Variants in CTNND1 observed in about 807,000 individuals in gnomAD.
CTNND1 encodes catenin delta 1.
CTNND1 carries 16 observed loss-of-function variants against 112.1 expected under a neutral mutation model. That is an observed-to-expected ratio of 0.14 (90% CI 0.10 to 0.22). The LOEUF (loss-of-function observed/expected upper bound fraction) is 0.22, where lower values mean the gene tolerates loss of function less well. Ranked by LOEUF, CTNND1 falls within the 10% of genes least tolerant of loss-of-function variation. The pLI, the probability that CTNND1 is intolerant of heterozygous loss-of-function variation, is 1.00. For synonymous variants in CTNND1, 420 were observed against 446.5 expected (o/e 0.94, Z 0.75); for missense variants, 1,008 against 1,257.0 (o/e 0.80, Z 3.00).
chr11:57,769,389 A>T (rs1490993010), intron 1 of CTNND1, among the ~76,000 whole-genome samples: 1 of 151,158 alleles, frequency 6.6e-6, no homozygotes, highest in Admixed American at 6.6e-5. Flanking sequence ...GGCTCAAGTG[A>T]TTCTCCTACT....
intron 10 of CTNND1, 138 bp downstream of exon 10, chr11:57,806,173 C>G: frequency 8.3e-7 from 1 of 1,210,190 alleles, no homozygotes; most frequent in South Asian, 1.6e-5. Flanking sequence ...TGCTGCTTTC[C>G]CTGTGTTGTG....
chr11:57,816,064 T>A, intron 20 of CTNND1, 63 bp downstream of exon 20: 1 of 1,381,116 alleles, frequency 7.2e-7, no homozygotes, highest in African/African-American at 1.5e-5. Flanking sequence ...TGCCAGCAAC[T>A]TGTCAATCAC....
intron 1 of CTNND1, among the ~76,000 whole-genome samples, chr11:57,767,378 T>TC (rs1254958105): frequency 1.3e-5 from 2 of 152,252 alleles, no homozygotes; most frequent in African/African-American, 2.4e-5. Context: ...TTCTCAACTT[T>TC]TTATTTCAAA....
chr11:57,811,501 A>G lies in CTNND1; in HGVS notation c.2638+15A>G, dbSNP rs1324134566. ...CCAAAAATCAGGTGCAGTATCCAGA[A>G]GGCACACCCTCTCCTTTTAGCCACT... is the stretch of plus-strand genomic sequence containing the variant. On this transcript the variant is annotated intron_variant, in intron 17 of 20. Transcript: ENST00000399050. 1 of 1,569,440 alleles carries G rather than the reference A, an allele frequency of 6.4e-7. No individual in the cohort carries two copies. Among genetic ancestry groups the G allele is most frequent in the East Asian group, 2.2e-5 (1 of 44,536 alleles).
chr11:57,808,562 G>C, intron 14 of CTNND1, 22 bp downstream of exon 14: 1 of 1,558,390 alleles, frequency 6.4e-7, no homozygotes, highest in East Asian at 2.3e-5. Context: ...AATGCTAACT[G>C]TTACCTCAAA....
chr11:57,815,289 A>G, intron 18 of CTNND1, 105 bp from the exon 19 acceptor site: 1 of 646,890 alleles, frequency 1.5e-6, no homozygotes, highest in Admixed American at 3.0e-5. Context: ...GCATTTGACA[A>G]GCTCAGTTCC....
chr11:57,795,009 G>A (rs1486816003), intron 4 of CTNND1, among the ~76,000 whole-genome samples: 1 of 151,836 alleles, frequency 6.6e-6, no homozygotes, highest in African/African-American at 2.4e-5. Context: ...GACCAGCCTG[G>A]GCAACATAGA....
chr11:57,799,980 T>G (rs11229135), intron 6 of CTNND1, among the ~76,000 whole-genome samples: 2 of 45,664 alleles, frequency 4.4e-5, no homozygotes, highest in African/African-American at 6.1e-5. Context: ...TGTTTCCGTG[T>G]TTTTTTTTTT....
intron 1 of CTNND1, among the ~76,000 whole-genome samples, chr11:57,786,769 A>C (rs2060184501): frequency 6.6e-6 from 1 of 151,234 alleles, no homozygotes. Context: ...TTTTCCTCCC[A>C]TTTTTTTTCT....
At position 57,816,386 on chromosome 11, in the gene CTNND1, T is replaced by C; in HGVS notation, c.*78T>C. On this transcript the variant is annotated 3_prime_UTR_variant, in exon 21 of 21. Transcript: ENST00000399050. Reference sequence around the variant, plus strand: ...TGAAATTGACTGATGATTTTCCTTTTTCTTCGCTGGACTATTGTGCCAACT... The same window carrying C: ...TGAAATTGACTGATGATTTTCCTTTCTCTTCGCTGGACTATTGTGCCAACT... 1 of 1,582,228 alleles carries C rather than the reference T, an allele frequency of 6.3e-7. No homozygotes were observed.
intron 1 of CTNND1, among the ~76,000 whole-genome samples, chr11:57,785,165 TG>T (rs1290436005): frequency 4.6e-5 from 7 of 152,146 alleles, no homozygotes; most frequent in African/African-American, 1.7e-4. Flanking sequence ...GAGGGGAGCC[TG>T]GGGAGGCTGG....
In CTNND1 at chr11:57,789,149, T is replaced by G; in HGVS notation, c.-101T>G. On this transcript the variant is annotated 5_prime_UTR_variant, in exon 2 of 21. Transcript: ENST00000399050. The stretch of plus-strand genomic sequence containing the variant: ...TAAACCAATCAGTTGCGACCTTCTC[T>G]TAACAGGTGTGTATGGAAATATGTT... The G allele has an allele frequency of 2.6e-6, 4 of 1,516,022 alleles. No individual in the cohort carries two copies. In the Admixed American group the frequency reaches 8.1e-5, roughly 31 times the overall value. The allele number at this position is 1,516,022 out of a possible 1,614,324, so 93.9% of individuals were successfully genotyped here.
intron 6 of CTNND1, among the ~76,000 whole-genome samples, chr11:57,798,564 G>A (rs2061633226): frequency 1.3e-5 from 2 of 152,086 alleles, no homozygotes. Context: ...GGCATCCTTG[G>A]GTGGGGGTCG....
At chr11:57,771,760 C>T in intron 1 of CTNND1, among the ~76,000 whole-genome samples, 1 of 151,828 alleles carries the variant, frequency 6.6e-6, no homozygotes, top group East Asian at 1.9e-4. Flanking sequence ...AGCACCTGAC[C>T]CAACCTCCAT....
At chr11:57,762,394 CAT>C (rs1289897152) in intron 1 of CTNND1, among the ~76,000 whole-genome samples, 1 of 152,160 alleles carries the variant, frequency 6.6e-6, no homozygotes, top group Non-Finnish European at 1.5e-5. Flanking sequence ...ATTAAGCTAA[CAT>C]ATTTCTGTTT....
rs2061402962 is a variant in CTNND1, at chr11:57,796,872, C to G, written c.836C>G (p.Pro279Arg). 1.9e-6 allele frequency: 3 copies of G among 1,610,694 alleles called. No homozygotes were observed. Among genetic ancestry groups the G allele is most frequent in the Admixed American group, 1.7e-5 (1 of 59,800 alleles). Residue 279 changes from proline (P) to arginine (R), a missense_variant, in exon 6 of 21, where the codon CCT (proline) becomes CGT (arginine). This residue lies in a region of CTNND1 where 404 missense variants were observed against 457.9 expected (regional missense o/e 0.88). Transcript: ENST00000399050. ...GATCTGCATCGCTTTCATCCAGAGC[C>G]TTATGGGCTAGAGGATGACCAGCGT... ...SVDLHRFHPEPYGLEDDQRSM... is the reference protein window; with the variant it reads ...SVDLHRFHPERYGLEDDQRSM...
At chr11:57,776,540 G>A (rs1954269833) in intron 1 of CTNND1, among the ~76,000 whole-genome samples, 2 of 152,294 alleles carry the variant, frequency 1.3e-5, no homozygotes, top group South Asian at 2.1e-4. Flanking sequence ...AAGTTAGACA[G>A]CAAAACAGAT....
At chr11:57,799,979 GTTTTT>G (rs1157141511) in intron 6 of CTNND1, among the ~76,000 whole-genome samples, 1 of 58,834 alleles carries the variant, frequency 1.7e-5, no homozygotes, top group Non-Finnish European at 3.1e-5. Context: ...TTGTTTCCGT[GTTTTT>G]TTTTTTTTTT....
In CTNND1 at chr11:57,815,488, A is replaced by G. The variant is rs1268693289; in HGVS notation, c.2796A>G (p.Thr932=). Residue 932 remains threonine (T), a synonymous_variant, in exon 19 of 21, where the codon ACA becomes ACG. Coordinates refer to ENST00000399050, the MANE Select transcript of CTNND1 (RefSeq NM_001085458.2). ...DLGDMEPLKG[T]TPLMQDEGQE... Reference sequence around the variant, plus strand: ...GCGACATGGAGCCATTGAAGGGAACAACACCCTTGATGGTAAATTCTCTTT... The same window carrying G: ...GCGACATGGAGCCATTGAAGGGAACGACACCCTTGATGGTAAATTCTCTTT... 1.9e-6 allele frequency: 3 copies of G among 1,610,364 alleles called. No individual in the cohort carries two copies. Among genetic ancestry groups the G allele is most frequent in the Non-Finnish European group, 2.5e-6 (3 of 1,177,534 alleles).
Sources: gnomAD v4.1 joint callset for allele counts (sites outside exome capture counted in the v4.1 genomes callset) on GRCh38, gnomAD v4.1.1 for gene constraint, gnomAD v4.1.1 regional missense constraint, MANE v1.5 for transcripts, NCBI Gene and HGNC (gene_info 2026-07-23, HGNC 2026-07-21) for gene names.